Variants in MGAM observed in about 807,000 individuals in gnomAD.
MGAM encodes the protein alpha-1,4-glucosidase.
Under a neutral mutation model 358.8 loss-of-function variants are expected in MGAM, and 253 were observed. The ratio of observed to expected loss-of-function variants is 0.71; its 90% confidence interval spans 0.64 to 0.78. The LOEUF (loss-of-function observed/expected upper bound fraction) is 0.78. Among genes scored for constraint, MGAM ranks in the 30% least tolerant of loss-of-function variants. The probability of loss-of-function intolerance (pLI) is 0.00; values close to 1 mark genes in which losing one functional copy is unlikely to be tolerated. For synonymous variants in MGAM, 1,105 were observed against 1,227.1 expected (o/e 0.90, Z 2.08); for missense variants, 3,080 against 3,432.6 (o/e 0.90, Z 2.57).
chr7:142,080,794 T>A lies in MGAM; in HGVS notation c.5851T>A (p.Tyr1951Asn), dbSNP rs1398550617. Reference protein sequence around the residue: ...HKNEMLQFKIYDPNNNRYEVP... With the variant: ...HKNEMLQFKINDPNNNRYEVP... The stretch of plus-strand genomic sequence containing the variant: ...AAATCGTTTTCCTCTGGCCTAGATT[T>A]ATGATCCCAACAACAATCGGTATGA... The change falls in exon 50 of 71, where the codon TAT (tyrosine) becomes AAT (asparagine). Residue 1951 changes from tyrosine to asparagine, a missense_variant. Coordinates refer to ENST00000475668, the MANE Select transcript of MGAM (RefSeq NM_001365693.1). The A allele has an allele frequency of 4.5e-6, 7 of 1,553,996 alleles. 2 individuals carry two copies. Among genetic ancestry groups the A allele is most frequent in the Non-Finnish European group, 6.2e-6 (7 of 1,131,174 alleles).
intron 24 of MGAM, among the ~76,000 whole-genome samples, chr7:142,051,442 A>G (rs1810941721): frequency 6.6e-6 from 1 of 152,136 alleles, no homozygotes; most frequent in Non-Finnish European, 1.5e-5. Context: ...AAGGATGATA[A>G]TCTTTAGAAT....
At chr7:142,068,302 A>G (rs1376990834) in intron 42 of MGAM, among the ~76,000 whole-genome samples, 3 of 142,024 alleles carry the variant, frequency 2.1e-5, no homozygotes, top group Non-Finnish European at 4.8e-5. Context: ...CGGCCCCAAA[A>G]TCTCATTATA....
chr7:142,088,701 T>G (rs1156251327), intron 57 of MGAM, among the ~76,000 whole-genome samples: 1 of 140,062 alleles, frequency 7.1e-6, no homozygotes, highest in Admixed American at 7.3e-5. Context: ...TATCTATCCA[T>G]CCAGCCACCC....
At position 142,052,296 on chromosome 7, in the gene MGAM, T is replaced by C. The variant is rs1375605077; in HGVS notation, c.2808T>C (p.Val936=). The C allele has an allele frequency of 6.2e-7, 1 of 1,602,932 alleles. No individual in the cohort carries two copies. The highest frequency in any genetic ancestry group is 8.5e-7 in the Non-Finnish European group (1 of 1,174,010). The part of the protein sequence containing the change: ...PTVTYDSNLK[V]AIITDIDLLL... Reference sequence around the variant, plus strand: ...TTATGATTTCCACATTCCTACAGGTTGCCATTATCACAGATATTGATCTTC... The same window carrying C: ...TTATGATTTCCACATTCCTACAGGTCGCCATTATCACAGATATTGATCTTC... The change falls in exon 25 of 71, where the codon GTT becomes GTC. Residue 936 remains valine (V), a splice_region_variant and synonymous_variant. Transcript: ENST00000475668.
intron 54 of MGAM, 131 bp downstream of exon 54, chr7:142,084,775 C>G: frequency 8.0e-7 from 1 of 1,249,866 alleles, no homozygotes. Context: ...CACAGTTAGC[C>G]TCACCCCAGC....
intron 64 of MGAM, 50 bp from the exon 65 acceptor site, chr7:142,096,281 G>A (rs7807635): frequency 0.18 from 254,496 of 1,449,814 alleles, 22,067 homozygotes; most frequent in South Asian, 0.27. Context: ...TCAGAGTGTC[G>A]GGCTGGGGCT....
chr7:142,045,208 A>ATC (rs1210620586), intron 21 of MGAM, among the ~76,000 whole-genome samples: 1 of 12,446 alleles, frequency 8.0e-5, no homozygotes, highest in African/African-American at 5.7e-4. Flanking sequence ...TATATTATAT[A>ATC]ACATATATGT....
At chr7:142,027,882 T>A (rs1807120088) in intron 10 of MGAM, 147 bp downstream of exon 10, 5 of 848,112 alleles carry the variant, frequency 5.9e-6, no homozygotes, top group African/African-American at 1.8e-5. Context: ...ACTAGACATT[T>A]TTTTTTTTGT....
Position 142,068,726 on chromosome 7 carries a change from A to T in MGAM, c.5061+23A>T, listed in dbSNP as rs371042184. On this transcript the variant is annotated intron_variant, in intron 43 of 70. Coordinates refer to ENST00000475668, the MANE Select transcript of MGAM (RefSeq NM_001365693.1). ...ACGGTAAGTTTTTCTGAATGTTTATATAACACGGGAATGTGGTAGAGAGTA... is the reference window on the plus strand; with the variant it reads ...ACGGTAAGTTTTTCTGAATGTTTATTTAACACGGGAATGTGGTAGAGAGTA... 15 of 1,464,970 alleles carry T rather than the reference A, an allele frequency of 1.0e-5. 5 individuals carry two copies. Among genetic ancestry groups the T allele is most frequent in the Admixed American group, 1.7e-5 (1 of 58,190 alleles). The allele number at this position is 1,464,970 out of a possible 1,614,324, so 90.7% of individuals were successfully genotyped here. A position where few individuals can be genotyped will look rare whatever the true frequency, so the allele number is the denominator to read the frequency against.
chr7:142,048,278 G>A lies in MGAM; in HGVS notation c.2587+405G>A, dbSNP rs545842448. Among the ~76,000 whole-genome samples the A allele has an allele frequency of 4.0e-5, 6 of 151,518 alleles. No homozygotes were observed. In the Admixed American group the frequency reaches 4.0e-4, roughly 10 times the overall value. On this transcript the variant is annotated intron_variant, in intron 22 of 70. Transcript: ENST00000475668. ...AGTGATTCTTCTGTCTCAGCCTCCC[G>A]CGTAGGACTACAGGTGCCTACCACC...
intron 21 of MGAM, among the ~76,000 whole-genome samples, chr7:142,042,009 AATATAATATATATATATTATAT>A (rs1192435004): frequency 0.011 from 181 of 16,130 alleles, 8 homozygotes; most frequent in African/African-American, 0.029. Flanking sequence ...TTATATATAT[AATATAATATATATATATTATAT>A]TATATACATA....
At chr7:142,008,372 G>A in intron 2 of MGAM, 134 bp from the exon 3 acceptor site, 1 of 898,078 alleles carries the variant, frequency 1.1e-6, no homozygotes, top group Non-Finnish European at 1.7e-6. Flanking sequence ...ATTTTATAAA[G>A]TGAATGCATA....
At chr7:142,036,111 G>A (rs1807967047) in intron 16 of MGAM, 58 bp from the exon 17 acceptor site, 1 of 1,282,026 alleles carries the variant, frequency 7.8e-7, no homozygotes, top group Non-Finnish European at 1.1e-6. Context: ...CTGGTGGAAA[G>A]CAAAGGAGGG....
At chr7:141,997,281 A>G (rs1804325901) in intron 1 of MGAM, among the ~76,000 whole-genome samples, 1 of 151,996 alleles carries the variant, frequency 6.6e-6, no homozygotes. Flanking sequence ...TGGGACAGTA[A>G]GTGTATGTCT....
intron 56 of MGAM, 123 bp downstream of exon 56, chr7:142,086,451 C>T (rs1814771371): frequency 1.3e-6 from 1 of 766,052 alleles, no homozygotes; most frequent in African/African-American, 1.9e-5. Context: ...AGAAGCTCTC[C>T]TTTTCTCAAT....
chr7:142,018,590 A>G (rs1422762927), intron 3 of MGAM, among the ~76,000 whole-genome samples: 1 of 152,162 alleles, frequency 6.6e-6, no homozygotes, highest in Non-Finnish European at 1.5e-5. Context: ...AACTATCTTC[A>G]TTTTGGCTTC....
At chr7:141,997,544 T>C (rs781962377) in intron 1 of MGAM, among the ~76,000 whole-genome samples, 16 of 152,124 alleles carry the variant, frequency 1.1e-4, no homozygotes, top group Non-Finnish European at 1.6e-4. Flanking sequence ...AGAAAAGAAA[T>C]TTTCCATTTA....
At chr7:142,050,674 AC>A in intron 23 of MGAM, 22 bp from the exon 24 acceptor site, 1 of 1,607,030 alleles carries the variant, frequency 6.2e-7, no homozygotes, top group Non-Finnish European at 8.5e-7. Context: ...CTTTATGCAT[AC>A]TTGGACTTAA....
intron 70 of MGAM, 77 bp from the exon 71 acceptor site, chr7:142,105,737 A>T: frequency 9.2e-7 from 1 of 1,085,432 alleles, no homozygotes; most frequent in South Asian, 1.3e-5. Flanking sequence ...TTTGGACTGG[A>T]TACTTGCACC....
Sources: gnomAD v4.1 joint callset for allele counts (sites outside exome capture counted in the v4.1 genomes callset) on GRCh38, gnomAD v4.1.1 for gene constraint, MANE v1.5 for transcripts, NCBI Gene and HGNC (gene_info 2026-07-23, HGNC 2026-07-21) for gene names.